Variants in LINS1 observed in about 807,000 individuals in gnomAD.
The protein encoded by LINS1 is protein Lines homolog 1.
A neutral mutation model predicts 41.6 loss-of-function variants in LINS1; 27 were observed. The ratio of observed to expected loss-of-function variants is 0.65; its 90% confidence interval spans 0.48 to 0.89. The LOEUF is 0.89. LINS1 is among the 40% of genes least tolerant of loss of function. LINS1 has a pLI of 0.00. For missense variants in LINS1, 955 were observed against 884.1 expected (o/e 1.08, Z -1.02); for synonymous variants, 336 against 312.9 (o/e 1.07, Z -0.78).
At chr15:100,584,391 C>A (rs1170599466) in intron 1 of LINS1, among the ~76,000 whole-genome samples, 2 of 152,088 alleles carry the variant, frequency 1.3e-5, no homozygotes, top group Non-Finnish European at 2.9e-5. Flanking sequence ...TCATATGGCT[C>A]AATCATTTTA....
At chr15:100,592,349 T>C (rs544523024) in intron 1 of LINS1, among the ~76,000 whole-genome samples, 36 of 152,344 alleles carry the variant, frequency 2.4e-4, no homozygotes, top group African/African-American at 6.5e-4. Context: ...GATAACACTT[T>C]TGGATTTTTA....
chr15:100,580,607 T>C lies in LINS1; in HGVS notation c.236A>G (p.Asn79Ser). 1.2e-6 allele frequency: 2 copies of C among 1,613,916 alleles called. No homozygotes were observed. Among genetic ancestry groups the C allele is most frequent in the Admixed American group, 1.7e-5 (1 of 59,928 alleles). ...IAVAPVCLKT[N>S]SQMSGSREVM... ...TTCTCTGGAACCGCTCATCTGAGAGTTGGTCTTCAAACACACAGGTGCTAC... is the reference window on the plus strand; with the variant it reads ...TTCTCTGGAACCGCTCATCTGAGAGCTGGTCTTCAAACACACAGGTGCTAC... Residue 79 changes from asparagine (N) to serine (S), a missense_variant, in exon 2 of 7, where the codon AAC becomes AGC. By Grantham distance (46) the Asn-to-Ser change is conservative. Coordinates refer to ENST00000314742, the MANE Select transcript of LINS1 (RefSeq NM_001040616.3).
intron 3 of LINS1, among the ~76,000 whole-genome samples, chr15:100,575,889 T>C (rs2038144799): frequency 6.6e-6 from 1 of 152,198 alleles, no homozygotes; most frequent in Non-Finnish European, 1.5e-5. Context: ...ACCATTCAAC[T>C]ACATGGAAAC....
At chr15:100,587,942 GGA>G (rs1263090684) in intron 1 of LINS1, among the ~76,000 whole-genome samples, 5 of 152,156 alleles carry the variant, frequency 3.3e-5, no homozygotes, top group African/African-American at 1.2e-4. Flanking sequence ...GGCTGGTCAG[GGA>G]GAAAGAGCCC....
intron 1 of LINS1, among the ~76,000 whole-genome samples, chr15:100,582,184 A>G (rs943429923): frequency 1.3e-5 from 2 of 149,948 alleles, no homozygotes; most frequent in Non-Finnish European, 1.5e-5. Context: ...TTGGTCTTAC[A>G]CTGGGTCTTC....
intron 1 of LINS1, among the ~76,000 whole-genome samples, chr15:100,592,859 GATCA>G (rs752980760): frequency 8.5e-5 from 13 of 152,184 alleles, no homozygotes; most frequent in Non-Finnish European, 1.9e-4. Flanking sequence ...GTTTTATTGT[GATCA>G]AGTATAAACT....
chr15:100,574,502 G>GT (rs1364241083), intron 4 of LINS1, among the ~76,000 whole-genome samples: 17 of 152,214 alleles, frequency 1.1e-4, no homozygotes, highest in Admixed American at 6.5e-4. Context: ...GAGGTCAGGA[G>GT]TTTGAGACCA....
At chr15:100,578,637 G>A (rs112174199) in intron 3 of LINS1, among the ~76,000 whole-genome samples, 6 of 151,602 alleles carry the variant, frequency 4.0e-5, no homozygotes, top group African/African-American at 7.3e-5. Context: ...GGGATCTAGA[G>A]CTAGAAATAC....
chr15:100,580,158 G>C (rs1194436034), intron 3 of LINS1, 105 bp downstream of exon 3: 4 of 881,840 alleles, frequency 4.5e-6, no homozygotes, highest in Non-Finnish European at 7.2e-6. Flanking sequence ...CCAGAAGTTT[G>C]AGATCAGATT....
At position 100,567,708 on chromosome 15, in the gene LINS1, A is replaced by G. The variant is rs1282815216; in HGVS notation, c.*1530T>C. 6.6e-6 allele frequency: 1 copy of G among 152,214 alleles called. No individual in the cohort carries two copies. The highest frequency in any genetic ancestry group is 1.9e-4 in the East Asian group (1 of 5,202). 9.4% of individuals were successfully genotyped at this position (152,214 alleles called of 1,614,324 possible). On this transcript the variant is annotated 3_prime_UTR_variant, in exon 7 of 7. Coordinates refer to ENST00000314742, the MANE Select transcript of LINS1 (RefSeq NM_001040616.3). ...GGCATCCTTGAATACACATTCTTTGACGTGCTTTTTCAATTACGGTAGAAA... is the reference window on the plus strand; with the variant it reads ...GGCATCCTTGAATACACATTCTTTGGCGTGCTTTTTCAATTACGGTAGAAA...
intron 1 of LINS1, among the ~76,000 whole-genome samples, chr15:100,595,913 C>G (rs114840783): frequency 6.6e-6 from 1 of 152,158 alleles, no homozygotes; most frequent in Non-Finnish European, 1.5e-5. Flanking sequence ...CTCCACCAAT[C>G]GAAACTGCAC....
At position 100,596,586 on chromosome 15, in the gene LINS1, G is replaced by C. The variant is rs558546653; in HGVS notation, c.-104+5535C>G. On this transcript the variant is annotated intron_variant, in intron 1 of 6. Transcript: ENST00000314742. ...TAGAAATTATTTAGACAGATAGTGA[G>C]GGTAAGAGAGTCCTCGGCAAGGTTT... is the stretch of plus-strand genomic sequence containing the variant. 1.8e-4 allele frequency among the ~76,000 whole-genome samples: 27 copies of C among 152,346 alleles called. No individual in the cohort carries two copies. The South Asian group carries it at 5.4e-3, about 30-fold the overall frequency.
intron 3 of LINS1, among the ~76,000 whole-genome samples, chr15:100,577,331 T>A (rs992643369): frequency 1.3e-5 from 2 of 152,228 alleles, no homozygotes; most frequent in African/African-American, 4.8e-5. Flanking sequence ...CAGCAAAGTC[T>A]CAGGATACAA....
At position 100,573,998 on chromosome 15, in the gene LINS1, T is replaced by C; in HGVS notation, c.875A>G (p.Gln292Arg). 1 of 1,614,144 alleles carries C rather than the reference T, an allele frequency of 6.2e-7. No homozygotes were observed. The highest frequency in any genetic ancestry group is 8.5e-7 in the Non-Finnish European group (1 of 1,179,996). Residue 292 changes from glutamine to arginine, a missense_variant, in exon 5 of 7, where the codon CAG (glutamine) becomes CGG (arginine). Transcript: ENST00000314742. ...GATGACCTTCCTTTTAACAAAAGCC[T>C]GAATAGGCCAGGTAATAACTTCTAG... The part of the protein sequence containing the change: ...CMLEVITWPI[Q>R]AFVKRKVIIF...
At chr15:100,588,954 T>C (rs2038922299) in intron 1 of LINS1, among the ~76,000 whole-genome samples, 4 of 152,242 alleles carry the variant, frequency 2.6e-5, no homozygotes, top group South Asian at 2.1e-4. Context: ...GACTCTTAAC[T>C]GTACAATTTG....
rs746113456 is a variant in LINS1 at position 100,573,841 on chromosome 15, A to G, written c.1032T>C (p.Ala344=). The stretch of plus-strand genomic sequence containing the variant: ...GTGTCTTCAACAACCCCGAATTCAC[A>G]GCTTGCAAAACAGCATTAGCTAAAG... ...MLALANAVLQ[A]VNSGLLKTLS... Residue 344 remains alanine (A), a synonymous_variant, in exon 5 of 7, where the codon GCT becomes GCC. Coordinates refer to ENST00000314742, the MANE Select transcript of LINS1 (RefSeq NM_001040616.3). The G allele has an allele frequency of 5.6e-6, 9 of 1,614,246 alleles. No homozygotes were observed. Among genetic ancestry groups the G allele is most frequent in the Non-Finnish European group, 7.6e-6 (9 of 1,180,038 alleles).
Position 100,580,825 on chromosome 15 carries a change from T to C in LINS1, c.18A>G (p.Glu6=). The part of the protein sequence containing the change: MKVFC[E]VLEELYKKVL... ...CCTTCTTGTATAACTCTTCTAAAAC[T>C]TCACAGAAAACTTTCATTTTGACTT... The change falls in exon 2 of 7, where the codon GAA becomes GAG. Residue 6 remains glutamate (E), a synonymous_variant. Transcript: ENST00000314742. 1 of 1,612,418 alleles carries C rather than the reference T, an allele frequency of 6.2e-7. No individual in the cohort carries two copies.
At chr15:100,583,902 T>A (rs1467679971) in intron 1 of LINS1, among the ~76,000 whole-genome samples, 1 of 151,992 alleles carries the variant, frequency 6.6e-6, no homozygotes, top group Non-Finnish European at 1.5e-5. Context: ...TATAATAACA[T>A]TTCTTTTCAA....
intron 1 of LINS1, among the ~76,000 whole-genome samples, chr15:100,586,859 G>A (rs1034479595): frequency 5.3e-5 from 8 of 152,052 alleles, no homozygotes; most frequent in African/African-American, 1.9e-4. Flanking sequence ...TTAAAATAAA[G>A]TAAGTATTGT....
Sources: allele counts gnomAD v4.1 joint callset (sites outside exome capture counted in the v4.1 genomes callset), GRCh38; gene constraint gnomAD v4.1.1; transcripts MANE v1.5; gene names NCBI Gene and HGNC (gene_info 2026-07-23, HGNC 2026-07-21).